Variants in OLFML2B observed in about 807,000 individuals in gnomAD.
OLFML2B encodes the protein olfactomedin like 2B, also known as olfactomedin-like protein 2B.
In OLFML2B, 57 loss-of-function variants were observed where a neutral mutation model predicts 74.9. The observed-to-expected ratio is 0.76, with a 90% CI of 0.61 to 0.95. The LOEUF is 0.95. Among genes scored for constraint, OLFML2B ranks in the 40% least tolerant of loss-of-function variants. The pLI is 0.00. For synonymous variants in OLFML2B, 388 were observed against 405.8 expected, an observed-to-expected ratio of 0.96 and a Z score of 0.53; for missense variants, 986 against 970.6, an observed-to-expected ratio of 1.02 and a Z score of -0.21.
At position 162,017,631 on chromosome 1, in the gene OLFML2B, C is replaced by T. The variant is rs73021273; in HGVS notation, c.439-124G>A. 3.6e-3 allele frequency: 2,328 copies of T among 639,106 alleles called. 32 individuals carry two copies. Among genetic ancestry groups the T allele is most frequent in the African/African-American group, 0.034 (1,863 of 54,776 alleles). 39.6% of individuals were successfully genotyped at this position (639,106 alleles called of 1,614,324 possible). A position where few individuals can be genotyped will look rare whatever the true frequency, so the allele number is the denominator to read the frequency against. ...CACTAGCCAGGAATTGAGAGGTTGC[C>T]GTGAGAAACACATTTGTGTAGACAG... On this transcript the variant is annotated intron_variant, in intron 2 of 7. Transcript: ENST00000294794.
At chr1:162,007,171 C>A (rs1458523493) in intron 3 of OLFML2B, among the ~76,000 whole-genome samples, 1 of 152,178 alleles carries the variant, frequency 6.6e-6, no homozygotes, top group Non-Finnish European at 1.5e-5. Context: ...TGGTGAGTAC[C>A]TCTTGAGTGT....
At chr1:162,006,114 A>G (rs1230080645) in intron 4 of OLFML2B, among the ~76,000 whole-genome samples, 183 bp downstream of exon 4, 1 of 152,196 alleles carries the variant, frequency 6.6e-6, no homozygotes, top group Non-Finnish European at 1.5e-5. Context: ...TCTGGGCTTC[A>G]GTGTGAAGTA....
chr1:162,017,385 C>A lies in OLFML2B; in HGVS notation c.546+15G>T. Reference sequence around the variant, plus strand: ...TCAATCAAGAAAAAGATATAGAAACCAGAATCTTCCTTACCTCCTCCAGTT... The same window carrying A: ...TCAATCAAGAAAAAGATATAGAAACAAGAATCTTCCTTACCTCCTCCAGTT... On this transcript the variant is annotated intron_variant, in intron 3 of 7. Transcript: ENST00000294794. 1 of 1,596,018 alleles carries A rather than the reference C, an allele frequency of 6.3e-7. No individual in the cohort carries two copies.
chr1:161,991,955 C>G (rs967159073), intron 6 of OLFML2B, among the ~76,000 whole-genome samples: 1 of 152,182 alleles, frequency 6.6e-6, no homozygotes, highest in Non-Finnish European at 1.5e-5. Flanking sequence ...TAGCCCCTAA[C>G]AGAAGAGTCA....
chr1:162,016,419 G>A (rs1009861661), intron 3 of OLFML2B, among the ~76,000 whole-genome samples: 6 of 152,162 alleles, frequency 3.9e-5, no homozygotes, highest in Admixed American at 1.3e-4. Flanking sequence ...ATCATAGATC[G>A]AAGAACCTTA....
intron 3 of OLFML2B, among the ~76,000 whole-genome samples, chr1:162,012,311 T>C (rs977407782): frequency 2.0e-5 from 3 of 152,202 alleles, no homozygotes; most frequent in Non-Finnish European, 1.5e-5. Context: ...TCTGCACAGA[T>C]GAAAATTACG....
chr1:161,992,708 T>C (rs892092887), intron 6 of OLFML2B, among the ~76,000 whole-genome samples: 3 of 152,208 alleles, frequency 2.0e-5, no homozygotes, highest in South Asian at 2.1e-4. Context: ...GGAATGCCAG[T>C]TGGGGGAGCA....
At chr1:162,009,168 T>TATCAACTAGTGAAA (rs141699038) in intron 3 of OLFML2B, among the ~76,000 whole-genome samples, 9,254 of 152,036 alleles carry the variant, frequency 0.061, 353 homozygotes, top group African/African-American at 0.11. Context: ...GACAAGAAAA[T>TATCAACTAGTGAAA]ATCAACTAGT....
intron 4 of OLFML2B, among the ~76,000 whole-genome samples, chr1:162,001,470 A>T (rs1690076977): frequency 6.6e-6 from 1 of 152,242 alleles, no homozygotes; most frequent in Non-Finnish European, 1.5e-5. Context: ...GGAGCTGAGC[A>T]GCCATCTTGT....
At chr1:161,987,401 A>AAAT (rs1312246573) in intron 6 of OLFML2B, among the ~76,000 whole-genome samples, 1 of 152,218 alleles carries the variant, frequency 6.6e-6, no homozygotes, top group Admixed American at 6.5e-5. Flanking sequence ...CCTATTGAAT[A>AAAT]AATACAGTCA....
At chr1:162,020,285 G>C in intron 1 of OLFML2B, 103 bp from the exon 2 acceptor site, 1 of 1,366,764 alleles carries the variant, frequency 7.3e-7, no homozygotes. Context: ...GCACTAGTCA[G>C]AGACCTCAGA....
intron 4 of OLFML2B, among the ~76,000 whole-genome samples, chr1:162,004,370 G>C (rs951159208): frequency 2.0e-5 from 3 of 152,112 alleles, no homozygotes; most frequent in African/African-American, 7.2e-5. Context: ...CCAAAAATGA[G>C]AATCAAAATA....
At chr1:162,016,163 TG>T (rs1177079797) in intron 3 of OLFML2B, among the ~76,000 whole-genome samples, 1 of 152,260 alleles carries the variant, frequency 6.6e-6, no homozygotes, top group Non-Finnish European at 1.5e-5. Flanking sequence ...AATGTAGGAA[TG>T]TTTGTCCTCA....
chr1:162,008,589 A>C (rs1410822222), intron 3 of OLFML2B, among the ~76,000 whole-genome samples: 3 of 152,232 alleles, frequency 2.0e-5, no homozygotes, highest in Non-Finnish European at 4.4e-5. Context: ...GATGCTGAGA[A>C]ATACAGAAAT....
chr1:162,010,606 C>T (rs190849332), intron 3 of OLFML2B, among the ~76,000 whole-genome samples: 20 of 152,294 alleles, frequency 1.3e-4, no homozygotes, highest in Admixed American at 4.6e-4. Context: ...AGCTCTTAGA[C>T]ACGTGTGCGT....
At chr1:162,008,050 GCC>G (rs1690281863) in intron 3 of OLFML2B, among the ~76,000 whole-genome samples, 1 of 152,144 alleles carries the variant, frequency 6.6e-6, no homozygotes, top group Non-Finnish European at 1.5e-5. Flanking sequence ...TATCTATCAG[GCC>G]GTCAAGTGTA....
Position 161,997,828 on chromosome 1 carries a change from T to C in OLFML2B, c.1471A>G (p.Ile491Val), listed in dbSNP as rs748120973. ...AGGCCAGGTACAATGAACTTACCTA[T>C]GACATTCCGGATGTCATCTTCTTCT... ...PEEEDDIRNV[I>V]GRCKDTLSTI... Residue 491 changes from isoleucine (I) to valine (V), a missense_variant, in exon 6 of 8, where the codon ATA (isoleucine) becomes GTA (valine). Physicochemically the swap from Ile to Val is conservative, Grantham distance 29 (BLOSUM62 3). Transcript: ENST00000294794. 23 of 1,611,704 alleles carry C rather than the reference T, an allele frequency of 1.4e-5. No individual in the cohort carries two copies. In the Admixed American group the frequency reaches 3.7e-4, roughly 26 times the overall value.
chr1:161,991,151 T>A (rs1209740867), intron 6 of OLFML2B, among the ~76,000 whole-genome samples: 2 of 152,230 alleles, frequency 1.3e-5, no homozygotes, highest in African/African-American at 4.8e-5. Flanking sequence ...TTAATGTTGA[T>A]ATTTTGACCT....
chr1:162,006,671 A>G (rs190138114), intron 3 of OLFML2B, among the ~76,000 whole-genome samples, 198 bp from the exon 4 acceptor site: 40 of 152,276 alleles, frequency 2.6e-4, no homozygotes, highest in African/African-American at 8.9e-4. Flanking sequence ...TTTCCAGGGC[A>G]GCTCAGCGCT....
Sources: allele counts gnomAD v4.1 joint callset (sites outside exome capture counted in the v4.1 genomes callset), GRCh38; gene constraint gnomAD v4.1.1; transcripts MANE v1.5; gene names NCBI Gene and HGNC (gene_info 2026-07-23, HGNC 2026-07-21).